Variants in TACC1 observed in about 807,000 individuals in gnomAD.
TACC1 encodes the protein transforming acidic coiled-coil containing protein 1.
A neutral mutation model predicts 84.4 loss-of-function variants in TACC1; 48 were observed. The observed-to-expected ratio is 0.57, with a 90% CI of 0.45 to 0.72. The LOEUF is 0.72. Ranked by LOEUF, TACC1 falls within the 30% of genes least tolerant of loss-of-function variation. The pLI is 0.00. For synonymous variants in TACC1, 372 were observed against 376.3 expected (o/e 0.99, Z 0.13); for missense variants, 920 against 973.0 (o/e 0.95, Z 0.72).
intron 3 of TACC1, among the ~76,000 whole-genome samples, chr8:38,752,669 C>A (rs1207487738): frequency 1.3e-5 from 2 of 152,076 alleles, no homozygotes; most frequent in African/African-American, 4.8e-5. Flanking sequence ...GCCCACTGAC[C>A]CAGAGACTAA....
chr8:38,848,021 T>TG lies in TACC1; in HGVS notation c.2417dup (p.Ter806TrpfsTer7). 1 of 1,613,644 alleles carries TG rather than the reference T, an allele frequency of 6.2e-7. No individual in the cohort carries two copies. The highest frequency in any genetic ancestry group is 8.5e-7 in the Non-Finnish European group (1 of 1,179,710). On this transcript the variant is annotated frameshift_variant and stop_lost, in exon 13 of 13. Transcript: ENST00000317827. LOFTEE classifies it high-confidence loss of function. ...GATTGCAAAGCTGGGAAAGACTGAC[T>TG]GAGACACTCCCCCTGTTAGCTCAAC... is the stretch of plus-strand genomic sequence containing the variant.
At chr8:38,769,946 G>GGT (rs778067061) in intron 3 of TACC1, among the ~76,000 whole-genome samples, 5 of 150,430 alleles carry the variant, frequency 3.3e-5, no homozygotes, top group South Asian at 2.1e-4. Flanking sequence ...CTGTGTGTAT[G>GGT]GTGTGTGTGT....
At chr8:38,757,665 C>G (rs1810370756) in intron 3 of TACC1, among the ~76,000 whole-genome samples, 1 of 152,016 alleles carries the variant, frequency 6.6e-6, no homozygotes, top group Non-Finnish European at 1.5e-5. Context: ...CCCCAGTACA[C>G]GCTGTACTGG....
At chr8:38,757,388 A>G (rs1393645635) in intron 3 of TACC1, 1 of 1,258,626 alleles carries the variant, frequency 7.9e-7, no homozygotes, top group African/African-American at 1.6e-5. Context: ...GGGGAGAGGC[A>G]CCCGAGACCC....
At position 38,851,403 on chromosome 8, in the gene TACC1, TA is replaced by T; in HGVS notation, c.*3384del. On this transcript the variant is annotated 3_prime_UTR_variant, in exon 13 of 13. Transcript: ENST00000317827. ...TGCCCCCAGATGTTCCTGGGCTGGG[TA>T]AAAGCAGCTGGAGTGAAGCACTCAT... 6.5e-6 allele frequency: 1 copy of T among 153,836 alleles called. No individual in the cohort carries two copies. Among genetic ancestry groups the T allele is most frequent in the South Asian group, 2.0e-4 (1 of 4,936 alleles). 9.5% of individuals were successfully genotyped at this position (153,836 alleles called of 1,614,324 possible). A position where few individuals can be genotyped will look rare whatever the true frequency, so the allele number is the denominator to read the frequency against.
chr8:38,781,954 T>C (rs1434062892), intron 3 of TACC1, among the ~76,000 whole-genome samples: 1 of 151,250 alleles, frequency 6.6e-6, no homozygotes, highest in Admixed American at 6.6e-5. Context: ...TATTTATTTA[T>C]TTTTTACATT....
chr8:38,820,670 T>TA, intron 3 of TACC1, 35 bp downstream of exon 3: 1 of 1,571,664 alleles, frequency 6.4e-7, no homozygotes, highest in Non-Finnish European at 8.6e-7. Flanking sequence ...TCGTGCTCTG[T>TA]GTCTTGTCTG....
At chr8:38,753,150 A>T (rs1359943083) in intron 3 of TACC1, among the ~76,000 whole-genome samples, 4 of 152,146 alleles carry the variant, frequency 2.6e-5, no homozygotes, top group East Asian at 1.9e-4. Context: ...CCCAGGCTGC[A>T]GTGCAGTGGT....
intron 4 of TACC1, among the ~76,000 whole-genome samples, chr8:38,826,335 A>C (rs534463859): frequency 1.5e-4 from 23 of 152,334 alleles, no homozygotes; most frequent in African/African-American, 5.3e-4. Context: ...AAAAACAAAA[A>C]CAAAAACCCA....
intron 3 of TACC1, among the ~76,000 whole-genome samples, chr8:38,822,101 T>C (rs1826965260): frequency 6.6e-6 from 1 of 151,844 alleles, no homozygotes; most frequent in African/African-American, 2.4e-5. Flanking sequence ...TTTAATTAGC[T>C]GGGAGTGGTG....
At position 38,836,493 on chromosome 8, in the gene TACC1, T is replaced by A. The variant is rs144825219; in HGVS notation, c.1839+206T>A. On this transcript the variant is annotated intron_variant, in intron 7 of 12. Coordinates refer to ENST00000317827, the MANE Select transcript of TACC1 (RefSeq NM_006283.3). Reference sequence around the variant, plus strand: ...GGTCTCCAGGGTAAAATGTTGACAATCTGAAATATTCTTAAGAATTTTGTA... The same window carrying A: ...GGTCTCCAGGGTAAAATGTTGACAAACTGAAATATTCTTAAGAATTTTGTA... Among the ~76,000 whole-genome samples the A allele has an allele frequency of 1.6e-4, 24 of 152,290 alleles. 1 individual carries two copies. In the East Asian group the frequency reaches 4.4e-3, roughly 28 times the overall value.
chr8:38,832,250 A>C (rs1175200997), intron 6 of TACC1, among the ~76,000 whole-genome samples: 1 of 152,270 alleles, frequency 6.6e-6, no homozygotes, highest in Admixed American at 6.5e-5. Flanking sequence ...AAAGTGCTAG[A>C]ATACACTAGT....
chr8:38,785,371 C>A (rs993948163), upstream of TACC1, among the ~76,000 whole-genome samples: 1 of 152,080 alleles, frequency 6.6e-6, no homozygotes, highest in East Asian at 1.9e-4. Context: ...TAAAGATTGA[C>A]AACGAGTTCT....
intron 3 of TACC1, among the ~76,000 whole-genome samples, chr8:38,778,667 T>TC (rs1292036155): frequency 6.6e-6 from 1 of 152,174 alleles, no homozygotes; most frequent in Admixed American, 6.5e-5. Flanking sequence ...AAAGAGTGCT[T>TC]CCCCAGTTTT....
At chr8:38,827,118 C>G in intron 4 of TACC1, 50 bp from the exon 5 acceptor site, 1 of 1,537,976 alleles carries the variant, frequency 6.5e-7, no homozygotes, top group African/African-American at 1.4e-5. Context: ...TCACTTTTCC[C>G]CATTGCTTGC....
intron 1 of TACC1, among the ~76,000 whole-genome samples, chr8:38,730,719 A>G (rs1804758218): frequency 6.6e-6 from 1 of 152,198 alleles, no homozygotes; most frequent in Admixed American, 6.5e-5. Flanking sequence ...AGTAAGAAGG[A>G]CATTGTTGTG....
At chr8:38,836,314 T>G in intron 7 of TACC1, 27 bp downstream of exon 7, 2 of 1,597,938 alleles carry the variant, frequency 1.3e-6, no homozygotes, top group Non-Finnish European at 1.7e-6. Context: ...TTAGTCTGCT[T>G]ATCACTCCAT....
At chr8:38,782,473 A>G (rs1816226369), upstream of TACC1, among the ~76,000 whole-genome samples, 1 of 152,208 alleles carries the variant, frequency 6.6e-6, no homozygotes, top group Admixed American at 6.5e-5. Context: ...TAGTGCCGCA[A>G]TAAACATATG....
chr8:38,833,136 C>T (rs1829589303), intron 6 of TACC1, among the ~76,000 whole-genome samples: 1 of 152,234 alleles, frequency 6.6e-6, no homozygotes, highest in Non-Finnish European at 1.5e-5. Context: ...GATTCTATAA[C>T]AAGCTTGTCC....
Sources: gnomAD v4.1 joint callset for allele counts (sites outside exome capture counted in the v4.1 genomes callset) on GRCh38, gnomAD v4.1.1 for gene constraint, MANE v1.5 for transcripts, NCBI Gene and HGNC (gene_info 2026-07-23, HGNC 2026-07-21) for gene names.